PDXK: variants seen among roughly 807,000 people sequenced by gnomAD.
PDXK encodes pyridoxal kinase.
A neutral mutation model predicts 43.2 loss-of-function variants in PDXK; 15 were observed. That is an observed-to-expected ratio of 0.35 (90% CI 0.23 to 0.53). The LOEUF (loss-of-function observed/expected upper bound fraction) is 0.53, where lower values mean the gene tolerates loss of function less well. PDXK is among the 20% of genes least tolerant of loss of function. PDXK has a pLI of 0.92. For missense variants in PDXK, 343 were observed against 417.0 expected, an observed-to-expected ratio of 0.82 and a Z score of 1.54; for synonymous variants, 172 against 165.4, an observed-to-expected ratio of 1.04 and a Z score of -0.31.
chr21:43,753,455 G>A, intron 8 of PDXK, 128 bp from the exon 9 acceptor site: 7 of 900,670 alleles, frequency 7.8e-6, no homozygotes, highest in Non-Finnish European at 1.2e-5. Flanking sequence ...CACGTCCTGA[G>A]CAAGGCCACC....
Position 43,744,454 on chromosome 21 carries a change from G to A in PDXK, c.331+647G>A, listed in dbSNP as rs893041140. On this transcript the variant is annotated intron_variant, in intron 4 of 10. Transcript: ENST00000291565. The stretch of plus-strand genomic sequence containing the variant: ...CCTAGCACATGGTTTGCCACGCTGT[G>A]TACTGTTGCCCAAAAGGAGAGTGCT... The A allele has an allele frequency of 7.1e-5, 11 of 155,552 alleles. No homozygotes were observed. The East Asian group carries it at 2.1e-3, about 30-fold the overall frequency. The allele number at this position is 155,552 out of a possible 1,614,324, so 9.6% of individuals were successfully genotyped here. A position where few individuals can be genotyped will look rare whatever the true frequency, so the allele number is the denominator to read the frequency against.
chr21:43,757,932 G>A lies in PDXK; in HGVS notation c.*1869G>A, dbSNP rs2083878301. On this transcript the variant is annotated 3_prime_UTR_variant, in exon 11 of 11. Transcript: ENST00000291565. ...TAACTGGAAATACCCTCACTGCCAA[G>A]TGGAGACTGGGGCGTGTGCCACATT... 6.6e-6 allele frequency: 1 copy of A among 152,206 alleles called. No homozygotes were observed. Among genetic ancestry groups the A allele is most frequent in the African/African-American group, 2.4e-5 (1 of 41,452 alleles). The allele number at this position is 152,206 out of a possible 1,614,324, so 9.4% of individuals were successfully genotyped here. A position where few individuals can be genotyped will look rare whatever the true frequency, so the allele number is the denominator to read the frequency against.
In PDXK at chr21:43,756,078, G is replaced by C. The variant is rs562154224; in HGVS notation, c.*15G>C. The stretch of plus-strand genomic sequence containing the variant: ...CGGTGCTGTGAGGGCCCCGCCGCTT[G>C]CCCGTGACACGCAGCGCGTTGGTGT... On this transcript the variant is annotated 3_prime_UTR_variant, in exon 11 of 11. Transcript: ENST00000291565. The C allele has an allele frequency of 2.1e-6, 3 of 1,456,954 alleles. No individual in the cohort carries two copies. The highest frequency in any genetic ancestry group is 2.9e-6 in the Non-Finnish European group (3 of 1,043,614). 90.3% of individuals were successfully genotyped at this position (1,456,954 alleles called of 1,614,324 possible).
At position 43,760,022 on chromosome 21, in the gene PDXK, C is replaced by G. The variant is rs955928164; in HGVS notation, c.*3959C>G. 2 of 152,512 alleles carry G rather than the reference C, an allele frequency of 1.3e-5. No individual in the cohort carries two copies. Among genetic ancestry groups the G allele is most frequent in the South Asian group, 4.1e-4 (2 of 4,820 alleles). 9.4% of individuals were successfully genotyped at this position (152,512 alleles called of 1,614,324 possible). On this transcript the variant is annotated 3_prime_UTR_variant, in exon 11 of 11. Coordinates refer to ENST00000291565, the MANE Select transcript of PDXK (RefSeq NM_003681.5). ...TGGCGGGTCTGGGTGGACACCGTCC[C>G]CACTCCGGACTCCCAGCACAGGGGA...
At chr21:43,736,629 G>GTTTTT (rs34234452) in intron 2 of PDXK, among the ~76,000 whole-genome samples, 3 of 118,646 alleles carry the variant, frequency 2.5e-5, no homozygotes, top group African/African-American at 3.4e-5. Context: ...TCCTTTTTCT[G>GTTTTT]TTTTTTTTTT....
At position 43,750,550 on chromosome 21, in the gene PDXK, G is replaced by C. The variant is rs1207957035; in HGVS notation, c.510+5G>C. ...AGCCAGGAGGAAGCCTTGCGGGTAA[G>C]GAGGCCCTCTGGGGCCTGTGCGGGG... On this transcript the variant is annotated splice_donor_5th_base_variant and intron_variant, in intron 7 of 10. Coordinates refer to ENST00000291565, the MANE Select transcript of PDXK (RefSeq NM_003681.5). 1.2e-6 allele frequency: 2 copies of C among 1,612,358 alleles called. No individual in the cohort carries two copies. The highest frequency in any genetic ancestry group is 1.7e-6 in the Non-Finnish European group (2 of 1,178,978).
At chr21:43,744,807 G>A (rs1371250281) in intron 4 of PDXK, among the ~76,000 whole-genome samples, 5 of 152,228 alleles carry the variant, frequency 3.3e-5, no homozygotes, top group African/African-American at 7.2e-5. Context: ...GCGGATGTGC[G>A]TATTCCCACG....
At chr21:43,744,774 G>A (rs1372806599) in intron 4 of PDXK, 1 of 152,252 alleles carries the variant, frequency 6.6e-6, no homozygotes, top group African/African-American at 2.4e-5. Flanking sequence ...GCATGTATCC[G>A]AAATAGCTGA....
chr21:43,729,101 T>G, intron 1 of PDXK: 1 of 833,234 alleles, frequency 1.2e-6, no homozygotes, highest in Non-Finnish European at 1.4e-6. Flanking sequence ...GCCCCCTGGC[T>G]GCGGCCTCCG....
intron 1 of PDXK, among the ~76,000 whole-genome samples, chr21:43,730,960 A>G (rs916253904): frequency 6.6e-6 from 1 of 152,208 alleles, no homozygotes; most frequent in Non-Finnish European, 1.5e-5. Flanking sequence ...GTCTCAAAAA[A>G]TAATAATATA....
intron 1 of PDXK, 133 bp from the exon 2 acceptor site, chr21:43,733,935 CT>C (rs1247377365): frequency 1.4e-5 from 11 of 806,330 alleles, no homozygotes; most frequent in Middle Eastern, 2.4e-4. Flanking sequence ...TGCGTCAGCC[CT>C]CCAGCCTGCA....
intron 2 of PDXK, among the ~76,000 whole-genome samples, chr21:43,740,408 A>G (rs537493942): frequency 6.6e-6 from 1 of 152,188 alleles, no homozygotes; most frequent in South Asian, 2.1e-4. Flanking sequence ...TTGCTATTCT[A>G]GGAACCCATA....
In PDXK at chr21:43,746,111, G is replaced by A. The variant is rs759731822; in HGVS notation, c.364G>A (p.Gly122Ser). 4.3e-6 allele frequency: 7 copies of A among 1,613,280 alleles called. No homozygotes were observed. In the Admixed American group the frequency reaches 6.7e-5, roughly 15 times the overall value. ...CDPVLGDKWD[G>S]EGSMYVPEDL... ...TCCAGTCTTGGGTGACAAGTGGGAC[G>A]GCGAAGGCTCGATGGTGAGTAGTTT... is the stretch of plus-strand genomic sequence containing the variant. The change falls in exon 5 of 11, where the codon GGC becomes AGC. Residue 122 changes from glycine (G) to serine (S), a missense_variant. Gly to Ser is a moderately conservative substitution (Grantham distance 56). Coordinates refer to ENST00000291565, the MANE Select transcript of PDXK (RefSeq NM_003681.5).
intron 1 of PDXK, chr21:43,728,969 C>T (rs2147215802): frequency 1.0e-6 from 1 of 985,634 alleles, no homozygotes; most frequent in Non-Finnish European, 1.2e-6. Context: ...AGCCATCTGA[C>T]TGGCTTTCTC....
At chr21:43,742,667 AG>A (rs2083557887) in intron 3 of PDXK, among the ~76,000 whole-genome samples, 1 of 152,128 alleles carries the variant, frequency 6.6e-6, no homozygotes, top group Non-Finnish European at 1.5e-5. Flanking sequence ...GCTTGAGACC[AG>A]GAGTTCAAAA....
rs2083384414 is a variant in PDXK at position 43,735,305 on chromosome 21, G to C, written c.142+1182G>C. ...CTGGCCGGCTTGGACACTAAAGCAG[G>C]GTGTTGAGTGTGTTTCTGGGGACTG... On this transcript the variant is annotated intron_variant, in intron 2 of 10. Coordinates refer to ENST00000291565, the MANE Select transcript of PDXK (RefSeq NM_003681.5). The surrounding 1 kb of genome is among the most constrained non-coding windows in gnomAD (Gnocchi z 5.3). Among the ~76,000 whole-genome samples the C allele has an allele frequency of 6.6e-6, 1 of 152,198 alleles. No individual in the cohort carries two copies. The highest frequency in any genetic ancestry group is 2.1e-4 in the South Asian group (1 of 4,836).
chr21:43,736,385 G>A (rs1457187150), intron 2 of PDXK, among the ~76,000 whole-genome samples: 6 of 152,162 alleles, frequency 3.9e-5, no homozygotes, highest in Non-Finnish European at 8.8e-5. Context: ...CCCAGGACCA[G>A]CTCACGCCCT....
chr21:43,739,043 C>T lies in PDXK; in HGVS notation c.143-2624C>T, dbSNP rs62229216. Among the ~76,000 whole-genome samples the T allele has an allele frequency of 3.0e-4, 46 of 151,880 alleles. 1 individual carries two copies. The highest frequency in any genetic ancestry group is 5.9e-4 in the Non-Finnish European group (40 of 67,968). ...CCACCCCCTGGGTTCATGCCATTCTCCTGCCTTAGCCTCCCAAGTAGCTGG... is the reference window on the plus strand; with the variant it reads ...CCACCCCCTGGGTTCATGCCATTCTTCTGCCTTAGCCTCCCAAGTAGCTGG... On this transcript the variant is annotated intron_variant, in intron 2 of 10. Coordinates refer to ENST00000291565, the MANE Select transcript of PDXK (RefSeq NM_003681.5).
At chr21:43,739,890 A>G (rs1353351913) in intron 2 of PDXK, among the ~76,000 whole-genome samples, 1 of 151,568 alleles carries the variant, frequency 6.6e-6, no homozygotes, top group Non-Finnish European at 1.5e-5. Context: ...CCCTCCTCCT[A>G]CCCCTTACCC....
Sources: allele counts gnomAD v4.1 joint callset (sites outside exome capture counted in the v4.1 genomes callset), GRCh38; gene constraint gnomAD v4.1.1; non-coding constraint Gnocchi (gnomAD v3.1); transcripts MANE v1.5; gene names NCBI Gene and HGNC (gene_info 2026-07-23, HGNC 2026-07-21).